Variants in TSNARE1 observed in about 807,000 individuals in gnomAD.
TSNARE1 encodes t-SNARE domain containing 1.
In TSNARE1, 49 loss-of-function variants were observed where a neutral mutation model predicts 62.0. The observed-to-expected ratio is 0.79, with a 90% CI of 0.63 to 1.00. TSNARE1 has a LOEUF of 1.00. Among genes scored for constraint, TSNARE1 ranks in the 50% least tolerant of loss-of-function variants. The pLI, the probability that TSNARE1 is intolerant of heterozygous loss-of-function variation, is 0.00. For synonymous variants in TSNARE1, 328 were observed against 294.4 expected (o/e 1.11, Z -1.17); for missense variants, 755 against 700.1 (o/e 1.08, Z -0.88).
At chr8:142,312,237 A>T (rs1473465031) in intron 9 of TSNARE1, among the ~76,000 whole-genome samples, 1 of 152,232 alleles carries the variant, frequency 6.6e-6, no homozygotes, top group Non-Finnish European at 1.5e-5. Context: ...AGGGATGCTC[A>T]ACCTATAAGC....
At chr8:142,256,256 TCACCA>T (rs1818543017) in intron 12 of TSNARE1, among the ~76,000 whole-genome samples, 1 of 58,472 alleles carries the variant, frequency 1.7e-5, no homozygotes, top group African/African-American at 6.7e-5. Context: ...ATCACCATCA[TCACCA>T]TCACCATCAC....
intron 11 of TSNARE1, chr8:142,276,272 G>A (rs1363506911): frequency 1.0e-6 from 1 of 985,298 alleles, no homozygotes; most frequent in Non-Finnish European, 1.2e-6. Context: ...GCCCCCAACT[G>A]AACTCTGCTC....
At chr8:142,223,005 CATTT>C (rs1202087560) in intron 13 of TSNARE1, among the ~76,000 whole-genome samples, 31 of 79,440 alleles carry the variant, frequency 3.9e-4, no homozygotes, top group African/African-American at 1.0e-3. Context: ...CTCATTCACT[CATTT>C]ACTCACTCAC....
At chr8:142,248,283 T>G (rs920565965) in intron 12 of TSNARE1, among the ~76,000 whole-genome samples, 3 of 152,186 alleles carry the variant, frequency 2.0e-5, no homozygotes, top group Non-Finnish European at 4.4e-5. Flanking sequence ...GTGTTCTGTT[T>G]CGCAGCACAA....
chr8:142,391,464 A>G (rs1335609350), intron 1 of TSNARE1, among the ~76,000 whole-genome samples: 1 of 152,216 alleles, frequency 6.6e-6, no homozygotes, highest in Non-Finnish European at 1.5e-5. Flanking sequence ...CACGGTCCCC[A>G]CTTGCAACAT....
chr8:142,388,636 C>T (rs34762241), intron 1 of TSNARE1, among the ~76,000 whole-genome samples: 29,929 of 145,666 alleles, frequency 0.21, 3,124 homozygotes, highest in East Asian at 0.28. Flanking sequence ...CAGCTCACTG[C>T]AACCTCCACC....
At chr8:142,276,649 C>A (rs1341414989) in intron 11 of TSNARE1, 1 of 985,230 alleles carries the variant, frequency 1.0e-6, no homozygotes, top group Non-Finnish European at 1.2e-6. Flanking sequence ...GCAGCCTCAG[C>A]CAAGCCCTGG....
At chr8:142,369,271 T>C (rs1486451265) in intron 1 of TSNARE1, among the ~76,000 whole-genome samples, 4 of 152,186 alleles carry the variant, frequency 2.6e-5, no homozygotes, top group African/African-American at 7.2e-5. Flanking sequence ...CCAGGTCATA[T>C]ACTGAGGGTA....
In TSNARE1 at chr8:142,263,140, C is replaced by T. The variant is rs989487207; in HGVS notation, c.1446+11641G>A. Among the ~76,000 whole-genome samples, 4 of 152,160 alleles carry T rather than the reference C, an allele frequency of 2.6e-5. No homozygotes were observed. The East Asian group carries it at 5.8e-4, about 22-fold the overall frequency. On this transcript the variant is annotated intron_variant, in intron 12 of 13. Transcript: ENST00000524325. ...CTCCTCATATCTCACCGTGAATGTTCGCTGTTGAGGTTTTGGTAGATAATC... is the reference window on the plus strand; with the variant it reads ...CTCCTCATATCTCACCGTGAATGTTTGCTGTTGAGGTTTTGGTAGATAATC...
chr8:142,311,460 G>T (rs901362930), intron 9 of TSNARE1, among the ~76,000 whole-genome samples: 1 of 151,276 alleles, frequency 6.6e-6, no homozygotes, highest in African/African-American at 2.4e-5. Context: ...ACCACACCCG[G>T]CTAATTTTGT....
intron 10 of TSNARE1, among the ~76,000 whole-genome samples, chr8:142,299,048 C>A (rs1825240262): frequency 6.6e-6 from 1 of 152,224 alleles, no homozygotes; most frequent in African/African-American, 2.4e-5. Flanking sequence ...GCCACAGGCC[C>A]AGAGCTGGTG....
chr8:142,404,512 T>A (rs1225297504), upstream of TSNARE1: 2 of 152,296 alleles, frequency 1.3e-5, no homozygotes, highest in Non-Finnish European at 2.9e-5. Flanking sequence ...CCTGGGCTGG[T>A]GCTCAGGCCG....
At chr8:142,281,563 C>G (rs1473476292) in intron 11 of TSNARE1, among the ~76,000 whole-genome samples, 3 of 151,818 alleles carry the variant, frequency 2.0e-5, no homozygotes, top group African/African-American at 7.3e-5. Flanking sequence ...TCTCCACAAG[C>G]AGAGGAGGCC....
intron 11 of TSNARE1, among the ~76,000 whole-genome samples, chr8:142,279,452 C>A (rs1440373928): frequency 6.6e-6 from 1 of 152,202 alleles, no homozygotes; most frequent in Non-Finnish European, 1.5e-5. Context: ...AGGCACTGGT[C>A]CCAGAGGCCA....
At chr8:142,292,630 A>G (rs1823991466) in intron 10 of TSNARE1, among the ~76,000 whole-genome samples, 1 of 152,158 alleles carries the variant, frequency 6.6e-6, no homozygotes, top group Non-Finnish European at 1.5e-5. Context: ...TGGAATGAGA[A>G]GCAAGGTCAA....
At chr8:142,402,654 G>A (rs1399917376) in intron 1 of TSNARE1, 1 of 152,590 alleles carries the variant, frequency 6.6e-6, no homozygotes, top group African/African-American at 2.4e-5. Flanking sequence ...CCCCAGCTCA[G>A]GCTCGAAGGC....
chr8:142,320,916 G>A (rs1240320844), intron 6 of TSNARE1, among the ~76,000 whole-genome samples: 1 of 152,200 alleles, frequency 6.6e-6, no homozygotes, highest in Admixed American at 6.5e-5. Context: ...CTGGAACGAA[G>A]GCAGCCCGTT....
At chr8:142,296,421 A>C (rs1824757830) in intron 10 of TSNARE1, among the ~76,000 whole-genome samples, 1 of 59,634 alleles carries the variant, frequency 1.7e-5, no homozygotes, top group Non-Finnish European at 3.1e-5. Context: ...AGAGGTGGTC[A>C]CTGTCATGGG....
chr8:142,277,572 C>T, intron 11 of TSNARE1: 1 of 985,454 alleles, frequency 1.0e-6, no homozygotes, highest in Non-Finnish European at 1.2e-6. Context: ...CAGCCACTTT[C>T]CTACTTCCTG....
Sources: gnomAD v4.1 joint callset for allele counts (sites outside exome capture counted in the v4.1 genomes callset) on GRCh38, gnomAD v4.1.1 for gene constraint, MANE v1.5 for transcripts, NCBI Gene and HGNC (gene_info 2026-07-23, HGNC 2026-07-21) for gene names.